Variants in SEMA6D observed in about 807,000 individuals in gnomAD.
SEMA6D encodes the protein semaphorin 6D.
A neutral mutation model predicts 106.6 loss-of-function variants in SEMA6D; 35 were observed. The observed-to-expected ratio is 0.33, with a 90% CI of 0.25 to 0.44. The LOEUF (loss-of-function observed/expected upper bound fraction) is 0.44, where lower values mean the gene tolerates loss of function less well. SEMA6D is among the 20% of genes least tolerant of loss of function. SEMA6D has a pLI of 1.00. For missense variants in SEMA6D, 1,185 were observed against 1,345.9 expected, an observed-to-expected ratio of 0.88 and a Z score of 1.87; for synonymous variants, 499 against 487.7, an observed-to-expected ratio of 1.02 and a Z score of -0.31.
intron 1 of SEMA6D, among the ~76,000 whole-genome samples, chr15:47,275,524 T>C (rs1300674481): frequency 1.3e-5 from 2 of 152,228 alleles, no homozygotes; most frequent in Admixed American, 6.6e-5. Context: ...TATATTTGTT[T>C]TGGTGATCTG....
At position 47,494,955 on chromosome 15, in the gene SEMA6D, G is replaced by A. The variant is rs76592760; in HGVS notation, c.-87+24410G>A. Among the ~76,000 whole-genome samples, 933 of 150,948 alleles carry A rather than the reference G, an allele frequency of 6.2e-3. 8 individuals carry two copies. Among genetic ancestry groups the A allele is most frequent in the African/African-American group, 0.022 (895 of 41,234 alleles). On this transcript the variant is annotated intron_variant, in intron 3 of 19. Transcript: ENST00000558014. ...AGAAATGCAGTTTTTTGTGGAGGAT[G>A]CATTTGGCTTTGGGGTTTTGTAGTA...
intron 1 of SEMA6D, among the ~76,000 whole-genome samples, chr15:47,749,289 T>C (rs3985865): frequency 0.49 from 73,481 of 151,468 alleles, 18,529 homozygotes; most frequent in Non-Finnish European, 0.54. Flanking sequence ...ACCTGTTGGC[T>C]GGGCTCATCT....
intron 3 of SEMA6D, among the ~76,000 whole-genome samples, chr15:47,573,903 C>CATTT (rs1180712035): frequency 6.6e-6 from 1 of 152,226 alleles, no homozygotes; most frequent in African/African-American, 2.4e-5. Context: ...ACATATCCCT[C>CATTT]ATTTCTGATG....
chr15:47,304,418 C>A (rs1353306906), intron 1 of SEMA6D, among the ~76,000 whole-genome samples: 5 of 132,786 alleles, frequency 3.8e-5, no homozygotes, highest in Admixed American at 3.2e-4. Flanking sequence ...TGCACTCCAG[C>A]CTGAGCCTTC....
At chr15:47,439,509 T>G (rs2041821414) in intron 2 of SEMA6D, among the ~76,000 whole-genome samples, 1 of 152,136 alleles carries the variant, frequency 6.6e-6, no homozygotes, top group African/African-American at 2.4e-5. Flanking sequence ...TGAACTCTCC[T>G]TTACAGAGAG....
At chr15:47,264,616 C>G (rs2034230216) in intron 1 of SEMA6D, among the ~76,000 whole-genome samples, 1 of 151,940 alleles carries the variant, frequency 6.6e-6, no homozygotes, top group African/African-American at 2.4e-5. Flanking sequence ...TTGTGTTTCC[C>G]TGGCTAGAAC....
intron 1 of SEMA6D, among the ~76,000 whole-genome samples, chr15:47,304,018 G>A (rs2036126539): frequency 1.3e-5 from 2 of 152,158 alleles, no homozygotes; most frequent in Non-Finnish European, 2.9e-5. Flanking sequence ...TGTGGAGGGT[G>A]TTACATTTAA....
chr15:47,664,999 G>A (rs1036847436), intron 4 of SEMA6D, among the ~76,000 whole-genome samples: 11 of 152,150 alleles, frequency 7.2e-5, no homozygotes, highest in Non-Finnish European at 1.0e-4. Context: ...GTGGGGGGGC[G>A]TGGTTAACAA....
intron 1 of SEMA6D, among the ~76,000 whole-genome samples, chr15:47,185,983 T>C (rs1893539075): frequency 6.6e-6 from 1 of 152,128 alleles, no homozygotes; most frequent in Non-Finnish European, 1.5e-5. Context: ...TATGTGTGTA[T>C]ATATAAATAT....
intron 4 of SEMA6D, among the ~76,000 whole-genome samples, chr15:47,664,323 A>G (rs1320880540): frequency 6.6e-6 from 1 of 152,144 alleles, no homozygotes. Context: ...TCACCTATAT[A>G]ATAACTGAGC....
intron 1 of SEMA6D, among the ~76,000 whole-genome samples, chr15:47,281,734 C>T (rs1412412920): frequency 1.3e-5 from 2 of 151,948 alleles, no homozygotes; most frequent in African/African-American, 4.8e-5. Flanking sequence ...ATTTTATTTT[C>T]GATGGAAAAC....
intron 3 of SEMA6D, among the ~76,000 whole-genome samples, chr15:47,558,422 A>C (rs1042281230): frequency 6.6e-6 from 1 of 152,078 alleles, no homozygotes; most frequent in South Asian, 2.1e-4. Flanking sequence ...AGAAAGTGCC[A>C]AATAACCACA....
chr15:47,286,979 C>T (rs1260823555), intron 1 of SEMA6D, among the ~76,000 whole-genome samples: 1 of 152,142 alleles, frequency 6.6e-6, no homozygotes, highest in Non-Finnish European at 1.5e-5. Context: ...TGTTCTCTGA[C>T]ATACATTTCT....
chr15:47,500,073 A>T (rs778640640), intron 3 of SEMA6D, among the ~76,000 whole-genome samples: 1 of 152,182 alleles, frequency 6.6e-6, no homozygotes, highest in African/African-American at 2.4e-5. Context: ...TAGTTTCTTG[A>T]GAAGTCATTT....
intron 3 of SEMA6D, among the ~76,000 whole-genome samples, chr15:47,554,405 G>A (rs2045856785): frequency 6.6e-6 from 1 of 152,190 alleles, no homozygotes; most frequent in African/African-American, 2.4e-5. Flanking sequence ...CAAGTACAGT[G>A]CTACAGACCC....
At chr15:47,239,440 A>C (rs1456047737) in intron 1 of SEMA6D, among the ~76,000 whole-genome samples, 1 of 152,216 alleles carries the variant, frequency 6.6e-6, no homozygotes, top group Non-Finnish European at 1.5e-5. Context: ...CTGTGGAAAA[A>C]TTGTCTTCTA....
rs1176594653 is a variant in SEMA6D, at chr15:47,759,837, G to A, written c.39G>A (p.Leu13=). The A allele has an allele frequency of 6.2e-7, 1 of 1,613,836 alleles. No homozygotes were observed. The highest frequency in any genetic ancestry group is 1.1e-5 in the South Asian group (1 of 91,084). The change falls in exon 2 of 19, where the codon CTG becomes CTA. Residue 13 remains leucine (L), a synonymous_variant. Transcript: ENST00000536845. ...VFLLCAYILL[L]MVSQLRAVSF... is the part of the protein sequence containing the mutation. ...TGCTTTGTGCCTACATACTGCTGCTGATGGTTTCCCAGTTGAGGGCAGTCA... is the reference window on the plus strand; with the variant it reads ...TGCTTTGTGCCTACATACTGCTGCTAATGGTTTCCCAGTTGAGGGCAGTCA...
At chr15:47,608,357 G>T (rs1220341063) in intron 4 of SEMA6D, among the ~76,000 whole-genome samples, 3 of 152,088 alleles carry the variant, frequency 2.0e-5, no homozygotes, top group African/African-American at 7.2e-5. Context: ...TACTGGGGAT[G>T]GTTTTACTTT....
intron 3 of SEMA6D, among the ~76,000 whole-genome samples, chr15:47,513,072 T>C (rs1596203620): frequency 6.6e-6 from 1 of 152,140 alleles, no homozygotes; most frequent in East Asian, 1.9e-4. Context: ...TGAAAAGGTA[T>C]AGGTAAATTC....
Sources: allele counts gnomAD v4.1 joint callset (sites outside exome capture counted in the v4.1 genomes callset), GRCh38; gene constraint gnomAD v4.1.1; transcripts MANE v1.5; gene names NCBI Gene and HGNC (gene_info 2026-07-23, HGNC 2026-07-21).